The following RNF217 variants were observed in gnomAD, a reference collection of about 807,000 sequenced individuals.
The protein encoded by RNF217 is ring finger protein 217.
A neutral mutation model predicts 57.8 loss-of-function variants in RNF217; 31 were observed. That is an observed-to-expected ratio of 0.54 (90% CI 0.40 to 0.72). The LOEUF (loss-of-function observed/expected upper bound fraction) is 0.72, where lower values mean the gene tolerates loss of function less well. Ranked by LOEUF, RNF217 falls within the 30% of genes least tolerant of loss-of-function variation. The pLI is 0.00. For missense variants in RNF217, 696 were observed against 708.3 expected (o/e 0.98, Z 0.20); for synonymous variants, 313 against 294.0 (o/e 1.06, Z -0.66).
At chr6:124,973,487 A>C (rs2114995145) in intron 1 of RNF217, among the ~76,000 whole-genome samples, 1 of 152,348 alleles carries the variant, frequency 6.6e-6, no homozygotes, top group East Asian at 1.9e-4. Flanking sequence ...CATAACTAGC[A>C]CCTGGCACAA....
At position 125,085,159 on chromosome 6, in the gene RNF217, G is replaced by A. The variant is rs1288947728; in HGVS notation, c.*2222G>A. The A allele has an allele frequency of 2.0e-5, 3 of 151,758 alleles. No homozygotes were observed. Among genetic ancestry groups the A allele is most frequent in the Non-Finnish European group, 1.5e-5 (1 of 67,810 alleles). The allele number at this position is 151,758 out of a possible 1,614,324, so 9.4% of individuals were successfully genotyped here. A position where few individuals can be genotyped will look rare whatever the true frequency, so the allele number is the denominator to read the frequency against. On this transcript the variant is annotated 3_prime_UTR_variant, in exon 6 of 6. Coordinates refer to ENST00000521654, the MANE Select transcript of RNF217 (RefSeq NM_001286398.3). ...CTGTTTTCTGGGTTATGTATCTGTT[G>A]TCTTTGGCCTACTCAGGGATTTTTA...
intron 1 of RNF217, among the ~76,000 whole-genome samples, chr6:125,035,294 T>C (rs1786559360): frequency 6.6e-6 from 1 of 152,070 alleles, no homozygotes; most frequent in South Asian, 2.1e-4. Context: ...AAGGGAATGC[T>C]TCCAGTTTTT....
intron 3 of RNF217, among the ~76,000 whole-genome samples, chr6:125,066,017 A>T (rs1787924328): frequency 6.6e-6 from 1 of 152,184 alleles, no homozygotes; most frequent in Non-Finnish European, 1.5e-5. Context: ...TGCTCAGGCC[A>T]AGAACTTTAG....
At chr6:125,018,071 G>A (rs965282034) in intron 1 of RNF217, among the ~76,000 whole-genome samples, 1 of 152,060 alleles carries the variant, frequency 6.6e-6, no homozygotes. Context: ...AATAATTTGT[G>A]GTAGGGTAAC....
In RNF217 at chr6:125,081,542, A is replaced by T. The variant is rs140804633; in HGVS notation, c.1555+35A>T. The T allele has an allele frequency of 6.3e-4, 952 of 1,506,930 alleles. 6 individuals are homozygous for T. The African/African-American group carries it at 0.011, about 18-fold the overall frequency. 93.3% of individuals were successfully genotyped at this position (1,506,930 alleles called of 1,614,324 possible). On this transcript the variant is annotated intron_variant, in intron 5 of 5. Transcript: ENST00000521654. ...ACTTCATGCATCTGAGATTAGAATTATCTGAGGGCCATAGAGAGAATACGA... is the reference window on the plus strand; with the variant it reads ...ACTTCATGCATCTGAGATTAGAATTTTCTGAGGGCCATAGAGAGAATACGA...
intron 3 of RNF217, among the ~76,000 whole-genome samples, chr6:125,076,426 A>G (rs557240658): frequency 1.3e-5 from 2 of 152,292 alleles, no homozygotes; most frequent in South Asian, 4.1e-4. Context: ...TGGTCAAGAT[A>G]AGCCAACAGC....
intron 1 of RNF217, among the ~76,000 whole-genome samples, chr6:125,004,807 T>C (rs1231178003): frequency 6.6e-6 from 1 of 152,216 alleles, no homozygotes; most frequent in Non-Finnish European, 1.5e-5. Flanking sequence ...TTACACAAAC[T>C]ATACAGGTTT....
chr6:124,981,337 C>T (rs1473728577), intron 1 of RNF217, among the ~76,000 whole-genome samples: 1 of 152,124 alleles, frequency 6.6e-6, no homozygotes, highest in Non-Finnish European at 1.5e-5. Flanking sequence ...GTTAAGGATG[C>T]ACTGTGGCAT....
chr6:125,046,179 G>C (rs1027488416), intron 2 of RNF217, among the ~76,000 whole-genome samples: 1 of 152,116 alleles, frequency 6.6e-6, no homozygotes, highest in African/African-American at 2.4e-5. Flanking sequence ...GCTAAGGCCA[G>C]GCTTCTTGTA....
intron 1 of RNF217, among the ~76,000 whole-genome samples, chr6:124,992,096 G>T (rs1201230562): frequency 6.6e-6 from 1 of 152,126 alleles, no homozygotes; most frequent in Non-Finnish European, 1.5e-5. Context: ...CTGAGATGGG[G>T]CCTATACTTT....
chr6:125,020,291 A>G (rs1484532931), intron 1 of RNF217, among the ~76,000 whole-genome samples: 1 of 152,236 alleles, frequency 6.6e-6, no homozygotes, highest in African/African-American at 2.4e-5. Flanking sequence ...GCCAAGACAA[A>G]TAGAATGTGG....
intron 1 of RNF217, among the ~76,000 whole-genome samples, chr6:125,041,379 T>C (rs1582742957): frequency 1.3e-5 from 2 of 152,086 alleles, no homozygotes; most frequent in South Asian, 4.1e-4. Flanking sequence ...CAGTCTGTTC[T>C]CCAAGAAGAG....
At chr6:125,079,883 C>T (rs1408100498) in intron 4 of RNF217, among the ~76,000 whole-genome samples, 1 of 151,918 alleles carries the variant, frequency 6.6e-6, no homozygotes, top group Non-Finnish European at 1.5e-5. Flanking sequence ...TGTTACTAAC[C>T]TAGGAATAAG....
chr6:125,068,789 C>G (rs1788031497), intron 3 of RNF217, among the ~76,000 whole-genome samples: 1 of 151,980 alleles, frequency 6.6e-6, no homozygotes, highest in Non-Finnish European at 1.5e-5. Flanking sequence ...TTGCAGTCAG[C>G]TTAGGAGGAA....
At chr6:125,042,257 G>A (rs920768011) in intron 1 of RNF217, among the ~76,000 whole-genome samples, 6 of 152,054 alleles carry the variant, frequency 3.9e-5, no homozygotes, top group Non-Finnish European at 7.4e-5. Flanking sequence ...CCAATTACTG[G>A]CTTGTCAACA....
rs1788387725 is a variant in RNF217, at chr6:125,076,697, G to T, written c.1322G>T (p.Cys441Phe). 6.2e-7 allele frequency: 1 copy of T among 1,613,226 alleles called. No homozygotes were observed. Among genetic ancestry groups the T allele is most frequent in the Non-Finnish European group, 8.5e-7 (1 of 1,179,488 alleles). Reference protein sequence around the residue: ...QRTEGCDHMTCSQCNTNFCYR... With the variant: ...QRTEGCDHMTFSQCNTNFCYR... ...ACTGAAGGATGTGACCATATGACCT[G>T]CTCACAATGTAACACTAATTTTTGT... is the stretch of plus-strand genomic sequence containing the variant. The change falls in exon 4 of 6, where the codon TGC (cysteine) becomes TTC (phenylalanine). Residue 441 changes from cysteine to phenylalanine, a missense_variant. Transcript: ENST00000521654.
chr6:125,061,629 G>A (rs9491293), intron 3 of RNF217, among the ~76,000 whole-genome samples: 9,264 of 145,676 alleles, frequency 0.064, 898 homozygotes, highest in African/African-American at 0.21. Flanking sequence ...GTAGGTTTTC[G>A]TTTTTTTTTA....
rs1788965063 is a variant in RNF217, at chr6:125,091,944, C to T, written c.*9007C>T. ...TACAAAATGCTAGGTTTGTTATATTCTTTATGTATCATAATATATAATTCA... is the reference window on the plus strand; with the variant it reads ...TACAAAATGCTAGGTTTGTTATATTTTTTATGTATCATAATATATAATTCA... On this transcript the variant is annotated 3_prime_UTR_variant, in exon 6 of 6. Transcript: ENST00000521654. 6.6e-6 allele frequency: 1 copy of T among 151,992 alleles called. No homozygotes were observed. Among genetic ancestry groups the T allele is most frequent in the African/African-American group, 2.4e-5 (1 of 41,378 alleles). The allele number at this position is 151,992 out of a possible 1,614,324, so 9.4% of individuals were successfully genotyped here. A position where few individuals can be genotyped will look rare whatever the true frequency, so the allele number is the denominator to read the frequency against.
At chr6:125,036,226 T>G (rs946715223) in intron 1 of RNF217, among the ~76,000 whole-genome samples, 1 of 152,154 alleles carries the variant, frequency 6.6e-6, no homozygotes, top group Non-Finnish European at 1.5e-5. Context: ...GGTTTCCAGC[T>G]TCATCCATGT....
Sources: allele counts gnomAD v4.1 joint callset (sites outside exome capture counted in the v4.1 genomes callset), GRCh38; gene constraint gnomAD v4.1.1; transcripts MANE v1.5; gene names NCBI Gene and HGNC (gene_info 2026-07-23, HGNC 2026-07-21).